Variants in LIPC observed in about 807,000 individuals in gnomAD.
LIPC encodes the protein lipase C, hepatic type, also known as hepatic triacylglycerol lipase.
LIPC carries 44 observed loss-of-function variants against 50.7 expected under a neutral mutation model. The observed-to-expected ratio is 0.87, with a 90% CI of 0.68 to 1.11. LIPC has a LOEUF of 1.11. LIPC is among the 50% of genes most tolerant of loss of function. The pLI is 0.00. For missense variants in LIPC, 697 were observed against 648.2 expected, an observed-to-expected ratio of 1.08 and a Z score of -0.82; for synonymous variants, 271 against 256.4, an observed-to-expected ratio of 1.06 and a Z score of -0.54.
chr15:58,480,672 C>T (rs980623884), intron 1 of LIPC, among the ~76,000 whole-genome samples: 8 of 152,204 alleles, frequency 5.3e-5, no homozygotes, highest in African/African-American at 1.9e-4. Context: ...TGAATGCAGC[C>T]CAACACAAAT....
intron 1 of LIPC, among the ~76,000 whole-genome samples, chr15:58,455,418 T>A (rs1208561909): frequency 1.3e-5 from 2 of 152,204 alleles, no homozygotes; most frequent in Admixed American, 6.5e-5. Flanking sequence ...GCCCCTCATC[T>A]AGACTTAAGA....
In LIPC at chr15:58,519,669, T is replaced by G. The variant is rs187952688; in HGVS notation, c.89-18664T>G. On this transcript the variant is annotated intron_variant, in intron 1 of 8. Coordinates refer to ENST00000299022, the MANE Select transcript of LIPC (RefSeq NM_000236.3). The stretch of plus-strand genomic sequence containing the variant: ...CCCTGTTTGCAGAGCTCTTCATCAA[T>G]AGACTGAATATTTACAGAATAGCGC... Among the ~76,000 whole-genome samples the G allele has an allele frequency of 2.0e-5, 3 of 152,228 alleles. No individual in the cohort carries two copies. The East Asian group carries it at 5.8e-4, about 29-fold the overall frequency.
At chr15:58,561,080 C>A (rs564318491) in intron 7 of LIPC, 99 bp downstream of exon 7, 2 of 774,678 alleles carry the variant, frequency 2.6e-6, no homozygotes, top group East Asian at 4.9e-5. Context: ...CCAGCTACAA[C>A]TACTTTATTC....
chr15:58,535,356 G>A (rs1893080972), intron 1 of LIPC, among the ~76,000 whole-genome samples: 4 of 152,188 alleles, frequency 2.6e-5, no homozygotes, highest in Admixed American at 2.0e-4. Context: ...ATAAATGAAT[G>A]AGCACATACC....
chr15:58,509,671 T>G (rs1451659565), intron 1 of LIPC, among the ~76,000 whole-genome samples: 1 of 152,224 alleles, frequency 6.6e-6, no homozygotes, highest in Non-Finnish European at 1.5e-5. Context: ...ACTCTCTGTA[T>G]ACGCAGTGTT....
intron 1 of LIPC, among the ~76,000 whole-genome samples, chr15:58,459,471 T>TA (rs1168404892): frequency 7.9e-5 from 12 of 151,762 alleles, no homozygotes; most frequent in African/African-American, 2.4e-4. Flanking sequence ...TAAAAGTTCA[T>TA]AAAAAAGTCT....
At chr15:58,479,905 G>A (rs921486883) in intron 1 of LIPC, among the ~76,000 whole-genome samples, 7 of 152,064 alleles carry the variant, frequency 4.6e-5, no homozygotes, top group African/African-American at 7.2e-5. Context: ...TTTAGGCTCC[G>A]TGGGCCTCAG....
At chr15:58,504,848 G>T (rs146219214) in intron 1 of LIPC, among the ~76,000 whole-genome samples, 1 of 152,082 alleles carries the variant, frequency 6.6e-6, no homozygotes, top group African/African-American at 2.4e-5. Context: ...ATCCTATCTC[G>T]AGGAGAGCTG....
intron 1 of LIPC, chr15:58,436,564 A>G (rs1229246427): frequency 3.4e-6 from 1 of 292,614 alleles, no homozygotes; most frequent in African/African-American, 2.2e-5. Context: ...TGATTTTTAC[A>G]TAAATATGAC....
intron 8 of LIPC, among the ~76,000 whole-genome samples, chr15:58,568,419 A>C (rs563234172): frequency 3.0e-4 from 45 of 152,314 alleles, no homozygotes; most frequent in African/African-American, 1.0e-3. Flanking sequence ...GTCACCCTCA[A>C]ATCTTCGATG....
At chr15:58,516,926 G>C (rs1323992664) in intron 1 of LIPC, among the ~76,000 whole-genome samples, 1 of 152,100 alleles carries the variant, frequency 6.6e-6, no homozygotes, top group Non-Finnish European at 1.5e-5. Flanking sequence ...AATTGGTGCT[G>C]GGTATTCCTA....
chr15:58,470,093 C>A (rs116483332), intron 1 of LIPC, among the ~76,000 whole-genome samples: 11 of 152,022 alleles, frequency 7.2e-5, no homozygotes, highest in African/African-American at 2.7e-4. Flanking sequence ...CCACCACACC[C>A]GGATAATTTT....
rs867366446 is a variant in LIPC, at chr15:58,489,224, G to T, written c.89-49109G>T. Among the ~76,000 whole-genome samples the T allele has an allele frequency of 4.7e-4, 43 of 91,282 alleles. 11 individuals carry two copies. Among genetic ancestry groups the T allele is most frequent in the African/African-American group, 1.6e-3 (30 of 19,352 alleles). The allele number at this position is 91,282 out of a possible 152,430, so 59.9% of individuals were successfully genotyped here. On this transcript the variant is annotated intron_variant, in intron 1 of 8. Coordinates refer to ENST00000299022, the MANE Select transcript of LIPC (RefSeq NM_000236.3). Reference sequence around the variant, plus strand: ...TAGGGATTCATTTTGTTGCGGGGGCGGGGGGGCGGCTTACAAGCTTCCCAG... The same window carrying T: ...TAGGGATTCATTTTGTTGCGGGGGCTGGGGGGCGGCTTACAAGCTTCCCAG...
At chr15:58,515,385 T>C (rs1319605728) in intron 1 of LIPC, among the ~76,000 whole-genome samples, 1 of 152,196 alleles carries the variant, frequency 6.6e-6, no homozygotes, top group Non-Finnish European at 1.5e-5. Context: ...CTTTAAACTC[T>C]TTCATTTCTT....
chr15:58,563,909 G>A (rs561147452), intron 8 of LIPC, 186 bp downstream of exon 8: 10 of 649,028 alleles, frequency 1.5e-5, no homozygotes, highest in South Asian at 1.3e-4. Flanking sequence ...CCAGGACAAG[G>A]ATTCACACCC....
intron 1 of LIPC, among the ~76,000 whole-genome samples, chr15:58,529,801 G>A (rs1280399346): frequency 6.6e-6 from 1 of 152,188 alleles, no homozygotes; most frequent in African/African-American, 2.4e-5. Context: ...ATGTCAGGTG[G>A]CCTTTCTGGG....
intron 1 of LIPC, among the ~76,000 whole-genome samples, chr15:58,489,060 C>T (rs1203094305): frequency 6.6e-6 from 1 of 152,114 alleles, no homozygotes; most frequent in East Asian, 1.9e-4. Context: ...TCTCTCTGGG[C>T]CGCCTTCTAC....
At chr15:58,526,807 G>A (rs543615158) in intron 1 of LIPC, among the ~76,000 whole-genome samples, 2 of 152,288 alleles carry the variant, frequency 1.3e-5, no homozygotes, top group East Asian at 1.9e-4. Flanking sequence ...CATCAACTTC[G>A]TTCATCCTCA....
At chr15:58,503,405 A>G (rs1271125036) in intron 1 of LIPC, among the ~76,000 whole-genome samples, 1 of 152,140 alleles carries the variant, frequency 6.6e-6, no homozygotes, top group Non-Finnish European at 1.5e-5. Context: ...GTGATTTGTG[A>G]AAGGCTTTAG....
Sources: gnomAD v4.1 joint callset for allele counts (sites outside exome capture counted in the v4.1 genomes callset) on GRCh38, gnomAD v4.1.1 for gene constraint, MANE v1.5 for transcripts, NCBI Gene and HGNC (gene_info 2026-07-23, HGNC 2026-07-21) for gene names.